Variants in TMEM41A observed in about 807,000 individuals in gnomAD.
The protein encoded by TMEM41A is transmembrane protein 41A.
Under a neutral mutation model 25.7 loss-of-function variants are expected in TMEM41A, and 20 were observed. That is an observed-to-expected ratio of 0.78 (90% confidence interval 0.55 to 1.13). TMEM41A has a LOEUF of 1.13. Ranked by LOEUF, TMEM41A falls within the 50% of genes most tolerant of loss-of-function variation. The pLI, the probability that TMEM41A is intolerant of heterozygous loss-of-function variation, is 0.00. For synonymous variants in TMEM41A, 133 were observed against 139.6 expected (o/e 0.95, Z 0.33); for missense variants, 299 against 314.3 (o/e 0.95, Z 0.37).
chr3:185,498,990 A>G lies in TMEM41A; in HGVS notation c.-29T>C. On this transcript the variant is annotated 5_prime_UTR_variant, in exon 1 of 5. Transcript: ENST00000421852. The stretch of plus-strand genomic sequence containing the variant: ...GGCTCCGCACCCCGGCCCGCGGGGC[A>G]GCCGAGAAGCTCACTTGCACTCCGG... 4 of 1,567,364 alleles carry G rather than the reference A, an allele frequency of 2.6e-6. No individual in the cohort carries two copies. Among genetic ancestry groups the G allele is most frequent in the Non-Finnish European group, 3.5e-6 (4 of 1,152,846 alleles).
At position 185,498,975 on chromosome 3, in the gene TMEM41A, C is replaced by A. The variant is rs772064125; in HGVS notation, c.-14G>T. The A allele has an allele frequency of 6.3e-7, 1 of 1,589,198 alleles. No individual in the cohort carries two copies. Among genetic ancestry groups the A allele is most frequent in the Non-Finnish European group, 8.6e-7 (1 of 1,168,826 alleles). ...AAGCGGGCGCATGTCGGCTCCGCACCCCGGCCCGCGGGGCAGCCGAGAAGC... is the reference window on the plus strand; with the variant it reads ...AAGCGGGCGCATGTCGGCTCCGCACACCGGCCCGCGGGGCAGCCGAGAAGC... On this transcript the variant is annotated 5_prime_UTR_variant, in exon 1 of 5. Transcript: ENST00000421852.
Position 185,498,852 on chromosome 3 carries a change from G to A in TMEM41A, c.110C>T (p.Ala37Val). ...GATTCCCGCCACGCACCTGCCTCCAGCCTCCTCGGTGGAGCCCAGTCTCCG... is the reference window on the plus strand; with the variant it reads ...GATTCCCGCCACGCACCTGCCTCCAACCTCCTCGGTGGAGCCCAGTCTCCG... Reference protein sequence around the residue: ...RGRRLGSTEEAGGRSLWFPSD... With the variant: ...RGRRLGSTEEVGGRSLWFPSD... The change falls in exon 1 of 5, where the codon GCT (alanine) becomes GTT (valine). Residue 37 changes from alanine to valine, a missense_variant. Ala to Val is a moderately conservative substitution (Grantham distance 64, BLOSUM62 0). Coordinates refer to ENST00000421852, the MANE Select transcript of TMEM41A (RefSeq NM_080652.4). 2 of 1,597,322 alleles carry A rather than the reference G, an allele frequency of 1.3e-6. No homozygotes were observed. The highest frequency in any genetic ancestry group is 1.7e-6 in the Non-Finnish European group (2 of 1,173,946).
At chr3:185,495,414 C>CT (rs1719076034) in intron 2 of TMEM41A, 99 bp from the exon 3 acceptor site, 3 of 1,185,908 alleles carry the variant, frequency 2.5e-6, no homozygotes, top group East Asian at 2.5e-5. Context: ...TCCTTCACTG[C>CT]TTTTTTCCAG....
In TMEM41A at chr3:185,491,615, A is replaced by C. The variant is rs1718953920; in HGVS notation, c.717T>G (p.Ile239Met). 5.6e-6 allele frequency: 9 copies of C among 1,614,088 alleles called. No homozygotes were observed. The highest frequency in any genetic ancestry group is 6.8e-6 in the Non-Finnish European group (8 of 1,180,044). The change falls in exon 5 of 5, where the codon ATT (isoleucine) becomes ATG (methionine). Residue 239 changes from isoleucine to methionine, a missense_variant. Ile to Met is a conservative substitution (Grantham distance 10). Coordinates refer to ENST00000421852, the MANE Select transcript of TMEM41A (RefSeq NM_080652.4). ...GCAGATGTTTCTGACTAAATTTTTT[A>C]ATGAGGGTTCCAGGAATTAATGCCA... Reference protein sequence around the residue: ...AMVALIPGTLIKKFSQKHLQL... With the variant: ...AMVALIPGTLMKKFSQKHLQL...
Position 185,496,962 on chromosome 3 carries a change from C to A in TMEM41A, c.139G>T (p.Asp47Tyr). 6.3e-7 allele frequency: 1 copy of A among 1,597,410 alleles called. No individual in the cohort carries two copies. The highest frequency in any genetic ancestry group is 1.1e-5 in the South Asian group (1 of 87,926). The change falls in exon 2 of 5, where the codon GAC becomes TAC. Residue 47 changes from aspartate to tyrosine, a missense_variant. Asp to Tyr is a radical substitution (Grantham distance 160). Coordinates refer to ENST00000421852, the MANE Select transcript of TMEM41A (RefSeq NM_080652.4). Reference sequence around the variant, plus strand: ...GAGAGCTCCCGCAGCTCTGCCAGGTCGGAGGGGAACCACAGCGACCTGGGG... The same window carrying A: ...GAGAGCTCCCGCAGCTCTGCCAGGTAGGAGGGGAACCACAGCGACCTGGGG... ...AGGRSLWFPSDLAELRELSEV... is the reference protein window; with the variant it reads ...AGGRSLWFPSYLAELRELSEV...
chr3:185,491,499 C>G lies in TMEM41A; in HGVS notation c.*38G>C, dbSNP rs750551077. 6.5e-7 allele frequency: 1 copy of G among 1,549,074 alleles called. No individual in the cohort carries two copies. Among genetic ancestry groups the G allele is most frequent in the East Asian group, 2.2e-5 (1 of 44,544 alleles). The stretch of plus-strand genomic sequence containing the variant: ...GGACCACATCCATTACACAAATAAG[C>G]AACTGAGTCCAGGGATGTGGCAAAC... On this transcript the variant is annotated 3_prime_UTR_variant, in exon 5 of 5. Coordinates refer to ENST00000421852, the MANE Select transcript of TMEM41A (RefSeq NM_080652.4).
chr3:185,498,329 T>C, intron 1 of TMEM41A: 1 of 151,406 alleles, frequency 6.6e-6, no homozygotes, highest in East Asian at 1.9e-4. Context: ...CGATAATTAA[T>C]TCGTGAATAA....
In TMEM41A at chr3:185,490,461, T is replaced by C. The variant is rs886080088; in HGVS notation, c.*1076A>G. 6.6e-6 allele frequency: 1 copy of C among 152,154 alleles called. No individual in the cohort carries two copies. Among genetic ancestry groups the C allele is most frequent in the Non-Finnish European group, 1.5e-5 (1 of 68,036 alleles). The allele number at this position is 152,154 out of a possible 1,614,324, so 9.4% of individuals were successfully genotyped here. A position where few individuals can be genotyped will look rare whatever the true frequency, so the allele number is the denominator to read the frequency against. ...CAGGTGAGTCAAGGGCCCTGCCCCA[T>C]CCAGATGGGTAAGAATTTCTCCAGA... On this transcript the variant is annotated 3_prime_UTR_variant, in exon 5 of 5. Coordinates refer to ENST00000421852, the MANE Select transcript of TMEM41A (RefSeq NM_080652.4).
At position 185,491,468 on chromosome 3, in the gene TMEM41A, T is replaced by G. The variant is rs566328451; in HGVS notation, c.*69A>C. On this transcript the variant is annotated 3_prime_UTR_variant, in exon 5 of 5. Transcript: ENST00000421852. The stretch of plus-strand genomic sequence containing the variant: ...AAGGCAATCAAAAACAATGAGGGGC[T>G]TTAGAGGACCACATCCATTACACAA... 112 of 1,295,296 alleles carry G rather than the reference T, an allele frequency of 8.6e-5. No homozygotes were observed. The South Asian group carries it at 1.3e-3, about 15-fold the overall frequency. The allele number at this position is 1,295,296 out of a possible 1,614,324, so 80.2% of individuals were successfully genotyped here.
intron 4 of TMEM41A, chr3:185,493,965 C>T (rs1188645269): frequency 3.9e-5 from 6 of 152,208 alleles, no homozygotes; most frequent in Non-Finnish European, 7.3e-5. Flanking sequence ...CCAGATTCCA[C>T]TCCCAAGATT....
intron 4 of TMEM41A, among the ~76,000 whole-genome samples, chr3:185,491,997 T>C (rs1483337767): frequency 2.0e-5 from 3 of 152,118 alleles, no homozygotes; most frequent in Non-Finnish European, 4.4e-5. Flanking sequence ...AAATAATACA[T>C]GCTACTATAA....
rs750692679 is a variant in TMEM41A, at chr3:185,491,607, A to G, written c.725T>C (p.Phe242Ser). The G allele has an allele frequency of 6.2e-6, 10 of 1,614,190 alleles. No individual in the cohort carries two copies. The South Asian group carries it at 1.1e-4, about 18-fold the overall frequency. The change falls in exon 5 of 5, where the codon TTT (phenylalanine) becomes TCT (serine). Residue 242 changes from phenylalanine (F) to serine (S), a missense_variant. By Grantham distance (155) the Phe-to-Ser change is radical. Transcript: ENST00000421852. ...ALIPGTLIKK[F>S]SQKHLQLNET... ...ATTCAATTGCAGATGTTTCTGACTA[A>G]ATTTTTTAATGAGGGTTCCAGGAAT...
At chr3:185,498,590 A>G in intron 1 of TMEM41A, 1 of 398,812 alleles carries the variant, frequency 2.5e-6, no homozygotes. Flanking sequence ...CCGCGGCGTG[A>G]CGCCCTGCAC....
rs534426078 is a variant in TMEM41A at position 185,492,446 on chromosome 3, A to C, written c.575-689T>G. On this transcript the variant is annotated intron_variant, in intron 4 of 4. Transcript: ENST00000421852. ...AAAGTGGGCCCCAAATTTGGTTCTG[A>C]GTACCCAACAGCCAAAGTAAAGAGA... The C allele has an allele frequency of 1.8e-3, 268 of 152,328 alleles. 1 individual carries two copies. The highest frequency in any genetic ancestry group is 6.3e-3 in the African/African-American group (260 of 41,558). The allele number at this position is 152,328 out of a possible 1,614,324, so 9.4% of individuals were successfully genotyped here.
At chr3:185,496,601 G>T (rs1719107235) in intron 2 of TMEM41A, 1 of 595,550 alleles carries the variant, frequency 1.7e-6, no homozygotes, top group Non-Finnish European at 3.0e-6. Flanking sequence ...GCCTAGAGGA[G>T]AGAAACAGGC....
At position 185,491,657 on chromosome 3, in the gene TMEM41A, C is replaced by T. The variant is rs777097214; in HGVS notation, c.675G>A (p.Leu225=). 4.3e-6 allele frequency: 7 copies of T among 1,614,082 alleles called. No homozygotes were observed. In the East Asian group the frequency reaches 1.1e-4, roughly 26 times the overall value. Residue 225 remains leucine, a synonymous_variant, in exon 5 of 5, where the codon CTG becomes CTA. Transcript: ENST00000421852. ...TTAATGCCACCATGGCAATGGCCAA[C>T]AGCTTAAAGACAGTGTCCCAGGAGA... ...ALFSWDTVFK[L]LAIAMVALIP...
rs1363690075 is a variant in TMEM41A at position 185,490,687 on chromosome 3, T to TTGGCTA, written c.*849_*850insTAGCCA. 2.6e-5 allele frequency: 4 copies of TTGGCTA among 152,220 alleles called. No individual in the cohort carries two copies. The highest frequency in any genetic ancestry group is 9.6e-5 in the African/African-American group (4 of 41,454). 9.4% of individuals were successfully genotyped at this position (152,220 alleles called of 1,614,324 possible). A position where few individuals can be genotyped will look rare whatever the true frequency, so the allele number is the denominator to read the frequency against. On this transcript the variant is annotated 3_prime_UTR_variant, in exon 5 of 5. Transcript: ENST00000421852. ...TAGGCAGTTCGTCAACTTGTTTCACTTGGCTTATGAAGAGGTAGGTCATCA... is the reference window on the plus strand; with the variant it reads ...TAGGCAGTTCGTCAACTTGTTTCACTTGGCTATGGCTTATGAAGAGGTAGGTCATCA...
chr3:185,494,914 A>G (rs935669843), intron 3 of TMEM41A, 153 bp from the exon 4 acceptor site: 3 of 1,055,480 alleles, frequency 2.8e-6, no homozygotes, highest in Non-Finnish European at 4.0e-6. Context: ...CCTCATTTTA[A>G]AATAGACATG....
At position 185,494,998 on chromosome 3, in the gene TMEM41A, G is replaced by T; in HGVS notation, c.435+156C>A. On this transcript the variant is annotated intron_variant, in intron 3 of 4. Transcript: ENST00000421852. ...ATGATGGAGCTGGGATTTGATCCCA[G>T]GTCTATGTCTCCTGAAGACATCAAA... 2.9e-6 allele frequency: 3 copies of T among 1,017,176 alleles called. No homozygotes were observed. In the South Asian group the frequency reaches 4.9e-5, roughly 16 times the overall value. The allele number at this position is 1,017,176 out of a possible 1,614,324, so 63.0% of individuals were successfully genotyped here. A position where few individuals can be genotyped will look rare whatever the true frequency, so the allele number is the denominator to read the frequency against.
Sources: allele counts gnomAD v4.1 joint callset (sites outside exome capture counted in the v4.1 genomes callset), GRCh38; gene constraint gnomAD v4.1.1; transcripts MANE v1.5; gene names NCBI Gene and HGNC (gene_info 2026-07-23, HGNC 2026-07-21).